Variants in ANKRD28 observed in about 807,000 individuals in gnomAD.
ANKRD28 encodes the protein serine/threonine-protein phosphatase 6 regulatory ankyrin repeat subunit A.
A neutral mutation model predicts 126.5 loss-of-function variants in ANKRD28; 44 were observed. The ratio of observed to expected loss-of-function variants is 0.35; its 90% CI spans 0.27 to 0.45. The LOEUF (loss-of-function observed/expected upper bound fraction) is 0.45, where lower values mean the gene tolerates loss of function less well. Among genes scored for constraint, ANKRD28 ranks in the 20% least tolerant of loss-of-function variants. The pLI, the probability that ANKRD28 is intolerant of heterozygous loss-of-function variation, is 1.00. For synonymous variants in ANKRD28, 442 were observed against 468.5 expected, an observed-to-expected ratio of 0.94 and a Z score of 0.73; for missense variants, 1,110 against 1,316.6, an observed-to-expected ratio of 0.84 and a Z score of 2.43.
chr3:15,832,829 T>C (rs2061234700), intron 1 of ANKRD28, among the ~76,000 whole-genome samples: 1 of 152,228 alleles, frequency 6.6e-6, no homozygotes, highest in Non-Finnish European at 1.5e-5. Context: ...TCCAATCTTC[T>C]GTTGATGGAT....
Position 15,797,707 on chromosome 3 carries a change from A to G in ANKRD28, c.-1186T>C, listed in dbSNP as rs1481128539. On this transcript the variant is annotated 5_prime_UTR_variant, in exon 1 of 28. Transcript: ENST00000683139. ...CTTCTTTGAGCCAACTACTTTATTC[A>G]GTCATCTGCCTCTTTGCCAATATAG... 1.0e-6 allele frequency: 1 copy of G among 985,318 alleles called. No homozygotes were observed. The highest frequency in any genetic ancestry group is 1.2e-6 in the Non-Finnish European group (1 of 829,944). The allele number at this position is 985,318 out of a possible 1,614,324, so 61.0% of individuals were successfully genotyped here. A position where few individuals can be genotyped will look rare whatever the true frequency, so the allele number is the denominator to read the frequency against.
At chr3:15,779,831 A>AATTTATTCC (rs1439954301) in intron 2 of ANKRD28, among the ~76,000 whole-genome samples, 120 of 152,348 alleles carry the variant, frequency 7.9e-4, no homozygotes, top group African/African-American at 2.8e-3. Flanking sequence ...CTAAGTACTG[A>AATTTATTCC]ATTTATTCCA....
At chr3:15,685,154 G>A in intron 21 of ANKRD28, 72 bp downstream of exon 21, 3 of 1,522,152 alleles carry the variant, frequency 2.0e-6, no homozygotes, top group South Asian at 2.3e-5. Flanking sequence ...CTTAAAATTT[G>A]CCTTATAAAT....
chr3:15,706,187 C>T (rs1001496347), intron 14 of ANKRD28, among the ~76,000 whole-genome samples: 37 of 151,926 alleles, frequency 2.4e-4, no homozygotes, highest in Non-Finnish European at 4.9e-4. Flanking sequence ...GTGTGCTGCA[C>T]CCATTAACTC....
At chr3:15,702,922 T>C (rs188017939) in intron 14 of ANKRD28, among the ~76,000 whole-genome samples, 2 of 152,000 alleles carry the variant, frequency 1.3e-5, no homozygotes, top group East Asian at 1.9e-4. Flanking sequence ...AATTCATATA[T>C]ACTAAACCAT....
intron 3 of ANKRD28, among the ~76,000 whole-genome samples, chr3:15,764,049 C>T (rs899923941): frequency 1.3e-5 from 2 of 151,968 alleles, no homozygotes; most frequent in African/African-American, 4.8e-5. Context: ...CATGGTGAAA[C>T]CCCATCTCTT....
Position 15,796,968 on chromosome 3 carries a change from G to C in ANKRD28, c.-447C>G, listed in dbSNP as rs1440777669. ...CTGCTGTGACAGAGATGATCACAGC[G>C]ATACCCACTCTTGCCTGCAAGGTCA... On this transcript the variant is annotated 5_prime_UTR_variant, in exon 1 of 28. The change creates a new upstream start codon in the 5' untranslated region. Coordinates refer to ENST00000683139, the MANE Select transcript of ANKRD28 (RefSeq NM_001349278.2). 3.0e-6 allele frequency: 3 copies of C among 985,246 alleles called. No homozygotes were observed. The South Asian group carries it at 1.4e-4, about 46-fold the overall frequency. The allele number at this position is 985,246 out of a possible 1,614,324, so 61.0% of individuals were successfully genotyped here. A position where few individuals can be genotyped will look rare whatever the true frequency, so the allele number is the denominator to read the frequency against.
intron 1 of ANKRD28, among the ~76,000 whole-genome samples, chr3:15,813,784 G>C (rs1250778110): frequency 1.3e-5 from 2 of 152,162 alleles, no homozygotes; most frequent in East Asian, 3.9e-4. Flanking sequence ...AGGTTCCCCA[G>C]TGATTACTGA....
At chr3:15,751,045 A>T (rs1289350518) in intron 4 of ANKRD28, among the ~76,000 whole-genome samples, 1 of 152,056 alleles carries the variant, frequency 6.6e-6, no homozygotes, top group Non-Finnish European at 1.5e-5. Context: ...AAAAAAAAAG[A>T]TGATTCAGGT....
chr3:15,758,910 G>A (rs902917037), intron 3 of ANKRD28, among the ~76,000 whole-genome samples: 6 of 152,108 alleles, frequency 3.9e-5, no homozygotes, highest in African/African-American at 1.2e-4. Flanking sequence ...AAGGCCAATC[G>A]AATGAATTTT....
chr3:15,672,388 C>T (rs143208822), intron 27 of ANKRD28, among the ~76,000 whole-genome samples: 123 of 152,184 alleles, frequency 8.1e-4, no homozygotes, highest in African/African-American at 2.7e-3. Flanking sequence ...GTGATCTTCC[C>T]GCCTCTGCCT....
intron 2 of ANKRD28, among the ~76,000 whole-genome samples, chr3:15,786,553 T>TC (rs1379724817): frequency 1.3e-5 from 2 of 152,126 alleles, no homozygotes; most frequent in African/African-American, 4.8e-5. Flanking sequence ...GGTGATGGTT[T>TC]CATAGGTGTA....
At chr3:15,714,750 A>G in intron 8 of ANKRD28, 94 bp from the exon 9 acceptor site, 1 of 815,370 alleles carries the variant, frequency 1.2e-6, no homozygotes, top group Non-Finnish European at 1.8e-6. Context: ...CTTTATTTTT[A>G]TAACTATTTT....
chr3:15,691,799 T>C (rs1000917671), intron 17 of ANKRD28, among the ~76,000 whole-genome samples: 8 of 152,182 alleles, frequency 5.3e-5, no homozygotes, highest in African/African-American at 1.7e-4. Flanking sequence ...GAATGAACTC[T>C]GAGGAATCAT....
chr3:15,788,488 CT>C (rs2059882460), intron 2 of ANKRD28, among the ~76,000 whole-genome samples: 1 of 152,008 alleles, frequency 6.6e-6, no homozygotes, highest in African/African-American at 2.4e-5. Context: ...AAATGTTAAC[CT>C]GTCAATTTTA....
intron 1 of ANKRD28, among the ~76,000 whole-genome samples, chr3:15,809,852 AGCCT>A (rs1246458802): frequency 6.6e-6 from 1 of 152,228 alleles, no homozygotes; most frequent in Non-Finnish European, 1.5e-5. Context: ...GACTTCCAGC[AGCCT>A]GCCTTTAAGT....
At chr3:15,683,078 A>G (rs1024740228) in intron 21 of ANKRD28, among the ~76,000 whole-genome samples, 1 of 152,238 alleles carries the variant, frequency 6.6e-6, no homozygotes, top group Non-Finnish European at 1.5e-5. Flanking sequence ...CAAACACTGT[A>G]ATAGAAAGCA....
intron 4 of ANKRD28, among the ~76,000 whole-genome samples, chr3:15,747,845 G>C (rs928813835): frequency 2.6e-5 from 4 of 152,160 alleles, no homozygotes; most frequent in Non-Finnish European, 4.4e-5. Context: ...AGGTCTAGTA[G>C]TCACTGTTTT....
At chr3:15,688,652 A>C (rs1395884320) in intron 18 of ANKRD28, among the ~76,000 whole-genome samples, 2 of 152,182 alleles carry the variant, frequency 1.3e-5, no homozygotes, top group Non-Finnish European at 2.9e-5. Context: ...AAGCTTCCCA[A>C]AGGACTAGAA....
Sources: allele counts gnomAD v4.1 joint callset (sites outside exome capture counted in the v4.1 genomes callset), GRCh38; gene constraint gnomAD v4.1.1; transcripts MANE v1.5; gene names NCBI Gene and HGNC (gene_info 2026-07-23, HGNC 2026-07-21).